Variants in RHBDD1 observed in about 807,000 individuals in gnomAD.
RHBDD1 encodes rhomboid-related protein 4.
Under a neutral mutation model 36.3 loss-of-function variants are expected in RHBDD1, and 38 were observed. That is an observed-to-expected ratio of 1.05 (90% confidence interval 0.81 to 1.37). The LOEUF is 1.37. Among genes scored for constraint, RHBDD1 ranks in the 40% most tolerant of loss-of-function variants. The pLI, the probability that RHBDD1 is intolerant of heterozygous loss-of-function variation, is 0.00. For missense variants in RHBDD1, 393 were observed against 377.6 expected (o/e 1.04, Z -0.34); for synonymous variants, 151 against 136.5 (o/e 1.11, Z -0.74).
At chr2:226,912,666 A>G (rs535437979) in intron 7 of RHBDD1, among the ~76,000 whole-genome samples, 1 of 152,272 alleles carries the variant, frequency 6.6e-6, no homozygotes, top group South Asian at 2.1e-4. Context: ...TTCTGTAGAG[A>G]CAGAAAGTAG....
At chr2:226,806,325 A>G in the RHBDD1 span, among the ~76,000 whole-genome samples, 1 of 151,938 alleles carries the variant, frequency 6.6e-6, no homozygotes, top group African/African-American at 2.4e-5. Flanking sequence ...TTCAAATCAA[A>G]GCTTCCTGTG....
intron 8 of RHBDD1, among the ~76,000 whole-genome samples, chr2:226,950,648 C>A (rs1240899621): frequency 6.8e-6 from 1 of 146,656 alleles, no homozygotes; most frequent in East Asian, 1.9e-4. Flanking sequence ...CAAGACTTAT[C>A]TTTCATCTTT....
intron 5 of RHBDD1, chr2:226,869,240 T>C (rs905500615): frequency 4.3e-6 from 4 of 935,018 alleles, no homozygotes; most frequent in Non-Finnish European, 5.1e-6. Flanking sequence ...GGGAAGTAAA[T>C]GAAATTTCCT....
intron 8 of RHBDD1, among the ~76,000 whole-genome samples, chr2:226,945,040 A>G (rs1950883939): frequency 6.6e-6 from 1 of 152,020 alleles, no homozygotes; most frequent in Non-Finnish European, 1.5e-5. Flanking sequence ...ATTGCAATTT[A>G]TCAGAGGGCA....
intron 8 of RHBDD1, among the ~76,000 whole-genome samples, chr2:226,931,321 A>G (rs1371143080): frequency 6.6e-6 from 1 of 152,072 alleles, no homozygotes; most frequent in African/African-American, 2.4e-5. Flanking sequence ...AAAGAATGAA[A>G]TAATGTCTTT....
intron 8 of RHBDD1, among the ~76,000 whole-genome samples, chr2:226,921,786 T>C (rs1311175588): frequency 1.3e-5 from 2 of 152,202 alleles, no homozygotes; most frequent in African/African-American, 4.8e-5. Flanking sequence ...ATTCATGTAC[T>C]GAGGAAAAGA....
At chr2:226,879,328 T>C (rs193016902) in intron 5 of RHBDD1, among the ~76,000 whole-genome samples, 252 of 152,282 alleles carry the variant, frequency 1.7e-3, no homozygotes, top group African/African-American at 5.8e-3. Context: ...GAGAATTAGA[T>C]TGCCAGGACT....
At chr2:226,842,272 G>T (rs991601314) in intron 3 of RHBDD1, among the ~76,000 whole-genome samples, 9 of 152,094 alleles carry the variant, frequency 5.9e-5, no homozygotes, top group African/African-American at 2.2e-4. Context: ...CTCTTTTGCT[G>T]TGCAGAAGCT....
intron 3 of RHBDD1, among the ~76,000 whole-genome samples, chr2:226,846,011 T>A (rs962443714): frequency 1.3e-5 from 2 of 152,228 alleles, no homozygotes; most frequent in African/African-American, 4.8e-5. Context: ...ATGCAATTTG[T>A]TCATTGAGCT....
chr2:226,981,373 A>G (rs1369217247), intron 8 of RHBDD1, among the ~76,000 whole-genome samples: 1 of 151,900 alleles, frequency 6.6e-6, no homozygotes, highest in Non-Finnish European at 1.5e-5. Context: ...AATAAAAAAT[A>G]AATAAATAAA....
the RHBDD1 span, among the ~76,000 whole-genome samples, chr2:226,812,468 C>A: frequency 1.3e-5 from 2 of 152,172 alleles, no homozygotes; most frequent in African/African-American, 4.8e-5. Flanking sequence ...AATGTCGAAA[C>A]AACATATGTG....
At chr2:226,916,059 G>A (rs1948883654) in intron 8 of RHBDD1, among the ~76,000 whole-genome samples, 1 of 152,162 alleles carries the variant, frequency 6.6e-6, no homozygotes, top group Non-Finnish European at 1.5e-5. Context: ...GCTAGCCTGG[G>A]CTTATTCACC....
intron 8 of RHBDD1, among the ~76,000 whole-genome samples, chr2:226,940,532 G>A (rs1171966827): frequency 1.3e-5 from 2 of 151,224 alleles, no homozygotes; most frequent in African/African-American, 4.8e-5. Context: ...TTATTTGCTT[G>A]TGTGTGTGTG....
chr2:226,918,257 G>A (rs1336132675), intron 8 of RHBDD1, among the ~76,000 whole-genome samples: 4 of 151,836 alleles, frequency 2.6e-5, no homozygotes, highest in South Asian at 4.1e-4. Flanking sequence ...CAGGCATGCA[G>A]TGTATAATAC....
the RHBDD1 span, among the ~76,000 whole-genome samples, chr2:226,829,746 CGTGT>C: frequency 1.7e-3 from 264 of 152,058 alleles, no homozygotes; most frequent in Admixed American, 3.0e-3. Flanking sequence ...TATCTGTGTG[CGTGT>C]GTATGTATGT....
the RHBDD1 span, among the ~76,000 whole-genome samples, chr2:226,829,701 TGAG>T: frequency 6.6e-6 from 1 of 152,196 alleles, no homozygotes; most frequent in Non-Finnish European, 1.5e-5. Context: ...TTTTGTATCC[TGAG>T]ACTGTGCTAA....
chr2:226,976,863 T>A (rs528886918), intron 8 of RHBDD1, among the ~76,000 whole-genome samples: 25 of 152,294 alleles, frequency 1.6e-4, no homozygotes, highest in African/African-American at 5.5e-4. Flanking sequence ...TTTTCCCCAC[T>A]TGGTGGCATT....
rs533384683 is a variant in RHBDD1 at position 226,996,537 on chromosome 2, T to C, written c.*1015T>C. 3 of 152,294 alleles carry C rather than the reference T, an allele frequency of 2.0e-5. No homozygotes were observed. In the South Asian group the frequency reaches 6.2e-4, roughly 32 times the overall value. The allele number at this position is 152,294 out of a possible 1,614,324, so 9.4% of individuals were successfully genotyped here. On this transcript the variant is annotated 3_prime_UTR_variant, in exon 9 of 9. Coordinates refer to ENST00000392062, the MANE Select transcript of RHBDD1 (RefSeq NM_001167608.3). ...TAAAAGGACAAAGTCAGAAGATCAC[T>C]GATGTCTTACTGTCAACAGAGATAT...
At chr2:226,991,703 G>A (rs1958254698) in intron 8 of RHBDD1, among the ~76,000 whole-genome samples, 1 of 152,130 alleles carries the variant, frequency 6.6e-6, no homozygotes, top group South Asian at 2.1e-4. Flanking sequence ...TATAGATAAG[G>A]AAACTAAGAC....
Sources: allele counts gnomAD v4.1 joint callset (sites outside exome capture counted in the v4.1 genomes callset), GRCh38; gene constraint gnomAD v4.1.1; transcripts MANE v1.5; gene names NCBI Gene and HGNC (gene_info 2026-07-23, HGNC 2026-07-21).